UBAP1: variants seen among roughly 807,000 people sequenced by gnomAD.
UBAP1 encodes ubiquitin-associated protein 1.
A neutral mutation model predicts 39.0 loss-of-function variants in UBAP1; 5 were observed. The observed-to-expected ratio is 0.13, with a 90% CI of 0.07 to 0.27. UBAP1 has a LOEUF of 0.27. Ranked by LOEUF, UBAP1 falls within the 10% of genes least tolerant of loss-of-function variation. The pLI, the probability that UBAP1 is intolerant of heterozygous loss-of-function variation, is 1.00. For synonymous variants in UBAP1, 211 were observed against 225.1 expected (o/e 0.94, Z 0.56); for missense variants, 490 against 608.1 (o/e 0.81, Z 2.04).
rs188390155 is a variant in UBAP1 at position 34,223,299 on chromosome 9, G to A, written c.34+2351G>A. Among the ~76,000 whole-genome samples the A allele has an allele frequency of 7.9e-5, 12 of 151,514 alleles. No individual in the cohort carries two copies. In the South Asian group the frequency reaches 1.9e-3, roughly 24 times the overall value. Reference sequence around the variant, plus strand: ...TACAAAATTAGCCGGGTGTAGTGACGCATGCCTGTAATCCCAGCTACTCGG... The same window carrying A: ...TACAAAATTAGCCGGGTGTAGTGACACATGCCTGTAATCCCAGCTACTCGG... On this transcript the variant is annotated intron_variant, in intron 2 of 6. Coordinates refer to ENST00000297661, the MANE Select transcript of UBAP1 (RefSeq NM_016525.5).
At chr9:34,222,755 G>A (rs955901413) in intron 2 of UBAP1, among the ~76,000 whole-genome samples, 24 of 151,876 alleles carry the variant, frequency 1.6e-4, no homozygotes, top group East Asian at 7.8e-4. Flanking sequence ...CCATGATCAC[G>A]CCACTGCACT....
intron 3 of UBAP1, among the ~76,000 whole-genome samples, chr9:34,239,009 A>G (rs572017476): frequency 1.3e-5 from 2 of 152,312 alleles, no homozygotes; most frequent in Non-Finnish European, 1.5e-5. Flanking sequence ...CTCCATTCCA[A>G]TGTGGGCCAT....
At chr9:34,193,494 C>T (rs945801640) in intron 1 of UBAP1, among the ~76,000 whole-genome samples, 2 of 152,018 alleles carry the variant, frequency 1.3e-5, no homozygotes, top group African/African-American at 4.8e-5. Flanking sequence ...AGGTTGGGGG[C>T]TCAGTCTTCA....
intron 1 of UBAP1, among the ~76,000 whole-genome samples, chr9:34,186,166 G>T (rs1030436828): frequency 6.6e-6 from 1 of 152,158 alleles, no homozygotes; most frequent in Admixed American, 6.5e-5. Context: ...TAACTGGAAT[G>T]ATAAATAGTT....
chr9:34,211,790 T>G (rs1832031836), intron 1 of UBAP1, among the ~76,000 whole-genome samples: 1 of 152,166 alleles, frequency 6.6e-6, no homozygotes, highest in Admixed American at 6.6e-5. Context: ...CTCCCTGCAT[T>G]TCTCTTGTTA....
At chr9:34,230,263 A>C (rs1457327191) in intron 2 of UBAP1, among the ~76,000 whole-genome samples, 2 of 151,646 alleles carry the variant, frequency 1.3e-5, no homozygotes, top group Non-Finnish European at 2.9e-5. Context: ...ACGGGGTTTC[A>C]CCATGCTGGC....
In UBAP1 at chr9:34,241,686, G is replaced by A; in HGVS notation, c.661G>A (p.Ala221Thr). Residue 221 changes from alanine (A) to threonine (T), a missense_variant, in exon 4 of 7, where the codon GCA (alanine) becomes ACA (threonine). Ala to Thr is a moderately conservative substitution (Grantham distance 58). Coordinates refer to ENST00000297661, the MANE Select transcript of UBAP1 (RefSeq NM_016525.5). ...GGAGGTCCTGGCATCCTTGGAACGG[G>A]CAACCCTAGATTTCAAGCCTCTTCA... is the stretch of plus-strand genomic sequence containing the variant. The part of the protein sequence containing the change: ...DEEVLASLER[A>T]TLDFKPLHKP... 2 of 1,613,976 alleles carry A rather than the reference G, an allele frequency of 1.2e-6. No homozygotes were observed. Among genetic ancestry groups the A allele is most frequent in the Non-Finnish European group, 1.7e-6 (2 of 1,179,990 alleles).
chr9:34,246,020 A>G (rs1450353675), intron 4 of UBAP1, among the ~76,000 whole-genome samples: 1 of 152,228 alleles, frequency 6.6e-6, no homozygotes, highest in African/African-American at 2.4e-5. Flanking sequence ...AATAAGAAAT[A>G]TATTGTCCAC....
chr9:34,196,635 C>T (rs969114374), intron 1 of UBAP1, among the ~76,000 whole-genome samples: 2 of 151,436 alleles, frequency 1.3e-5, no homozygotes, highest in African/African-American at 2.4e-5. Context: ...AATATAGACA[C>T]GGTCTCACTA....
intron 3 of UBAP1, among the ~76,000 whole-genome samples, chr9:34,240,495 T>G (rs1833903457): frequency 6.6e-6 from 1 of 152,232 alleles, no homozygotes; most frequent in Non-Finnish European, 1.5e-5. Context: ...TTGCTTTATA[T>G]AATAGGTCTG....
intron 4 of UBAP1, among the ~76,000 whole-genome samples, chr9:34,248,039 AC>A (rs1162933440): frequency 1.4e-5 from 2 of 148,098 alleles, no homozygotes; most frequent in Admixed American, 1.4e-4. Context: ...TAAAATAGAT[AC>A]GATTTTTTTT....
chr9:34,249,229 GGGTTCCTGAGCTGTCCA>G (rs1375184526), intron 4 of UBAP1, among the ~76,000 whole-genome samples: 48 of 152,232 alleles, frequency 3.2e-4, no homozygotes, highest in African/African-American at 1.1e-3. Context: ...TCAAAACCCT[GGGTTCCTGAGCTGTCCA>G]GGTTCCTAAG....
At chr9:34,247,451 G>A (rs1310547494) in intron 4 of UBAP1, among the ~76,000 whole-genome samples, 2 of 151,958 alleles carry the variant, frequency 1.3e-5, no homozygotes, top group African/African-American at 2.4e-5. Context: ...TAGAGACGGT[G>A]TCTCGCTGTG....
intron 4 of UBAP1, among the ~76,000 whole-genome samples, chr9:34,248,639 C>T (rs188917991): frequency 3.8e-4 from 58 of 152,306 alleles, no homozygotes; most frequent in African/African-American, 1.4e-3. Flanking sequence ...TGTGCTTGGG[C>T]TGCTGAGTGT....
chr9:34,231,245 G>A (rs1429197884), intron 2 of UBAP1, among the ~76,000 whole-genome samples: 1 of 151,066 alleles, frequency 6.6e-6, no homozygotes, highest in African/African-American at 2.4e-5. Context: ...TTTATTTTGA[G>A]ATGGAGTTTC....
At chr9:34,221,224 A>G (rs947710103) in intron 2 of UBAP1, among the ~76,000 whole-genome samples, 5 of 152,128 alleles carry the variant, frequency 3.3e-5, no homozygotes, top group African/African-American at 1.2e-4. Flanking sequence ...CTGGTTCTTC[A>G]GCAGCATTGA....
intron 2 of UBAP1, among the ~76,000 whole-genome samples, chr9:34,228,911 C>A (rs1208790070): frequency 6.6e-6 from 1 of 151,774 alleles, no homozygotes; most frequent in Non-Finnish European, 1.5e-5. Flanking sequence ...GCCTTTTTGC[C>A]CTTTATCCCT....
At chr9:34,236,282 AC>A (rs1482909497) in intron 3 of UBAP1, among the ~76,000 whole-genome samples, 2 of 152,158 alleles carry the variant, frequency 1.3e-5, no homozygotes, top group African/African-American at 2.4e-5. Flanking sequence ...AACATGCTAT[AC>A]AGGTTTATAG....
chr9:34,216,225 G>T (rs1832309482), intron 1 of UBAP1, among the ~76,000 whole-genome samples: 2 of 150,952 alleles, frequency 1.3e-5, no homozygotes, highest in Non-Finnish European at 1.5e-5. Context: ...AACTTACTGA[G>T]GTGAAATTCA....
Sources: gnomAD v4.1 joint callset for allele counts (sites outside exome capture counted in the v4.1 genomes callset) on GRCh38, gnomAD v4.1.1 for gene constraint, MANE v1.5 for transcripts, NCBI Gene and HGNC (gene_info 2026-07-23, HGNC 2026-07-21) for gene names.